B4GALT6: variants seen among roughly 807,000 people sequenced by gnomAD.
B4GALT6 encodes the protein beta-1,4-galactosyltransferase 6.
B4GALT6 carries 14 observed loss-of-function variants against 46.3 expected under a neutral mutation model. The observed-to-expected ratio is 0.30, with a 90% CI of 0.20 to 0.47. The LOEUF is 0.47. Ranked by LOEUF, B4GALT6 falls within the 20% of genes least tolerant of loss-of-function variation. B4GALT6 has a pLI of 0.99. For missense variants in B4GALT6, 386 were observed against 480.1 expected, an observed-to-expected ratio of 0.80 and a Z score of 1.83; for synonymous variants, 168 against 162.0, an observed-to-expected ratio of 1.04 and a Z score of -0.28.
At chr18:31,657,242 G>A (rs1026057622) in intron 3 of B4GALT6, among the ~76,000 whole-genome samples, 1 of 151,620 alleles carries the variant, frequency 6.6e-6, no homozygotes, top group Non-Finnish European at 1.5e-5. Flanking sequence ...TTTTGTGATA[G>A]CAAAAATGTT....
intron 3 of B4GALT6, among the ~76,000 whole-genome samples, chr18:31,646,423 T>A (rs1268477163): frequency 1.3e-5 from 2 of 152,228 alleles, no homozygotes; most frequent in African/African-American, 2.4e-5. Context: ...AGCTGCATGA[T>A]CACTAACATC....
chr18:31,697,887 C>A, the B4GALT6 span, among the ~76,000 whole-genome samples: 5 of 152,118 alleles, frequency 3.3e-5, no homozygotes, highest in African/African-American at 9.7e-5. Context: ...AGATAATTTT[C>A]TATCACTATT....
chr18:31,703,634 G>A, the B4GALT6 span, among the ~76,000 whole-genome samples: 1 of 152,208 alleles, frequency 6.6e-6, no homozygotes, highest in Non-Finnish European at 1.5e-5. Flanking sequence ...TAGGAGAGAT[G>A]CAGATTTTCA....
At chr18:31,652,623 A>G (rs145265482) in intron 3 of B4GALT6, among the ~76,000 whole-genome samples, 139 of 152,336 alleles carry the variant, frequency 9.1e-4, no homozygotes, top group Non-Finnish European at 1.6e-3. Flanking sequence ...AAAACGGCCC[A>G]AACGGAACCC....
chr18:31,668,144 A>C (rs1409776489), intron 1 of B4GALT6, among the ~76,000 whole-genome samples: 1 of 152,104 alleles, frequency 6.6e-6, no homozygotes, highest in Non-Finnish European at 1.5e-5. Flanking sequence ...AAAGAACAAA[A>C]TCATATGCTT....
intron 1 of B4GALT6, among the ~76,000 whole-genome samples, chr18:31,673,643 C>A (rs759688663): frequency 6.6e-6 from 1 of 152,204 alleles, no homozygotes; most frequent in Non-Finnish European, 1.5e-5. Flanking sequence ...AGGCACTGAG[C>A]TGAAGTCCAC....
At chr18:31,672,881 G>A (rs1234476970) in intron 1 of B4GALT6, among the ~76,000 whole-genome samples, 2 of 151,952 alleles carry the variant, frequency 1.3e-5, no homozygotes, top group Non-Finnish European at 2.9e-5. Context: ...AAAGCCTACA[G>A]GAGATCACTG....
At chr18:31,638,138 G>A (rs1187654975) in intron 5 of B4GALT6, among the ~76,000 whole-genome samples, 1 of 152,140 alleles carries the variant, frequency 6.6e-6, no homozygotes, top group Non-Finnish European at 1.5e-5. Context: ...ATACTAAAGT[G>A]AAACATGATT....
chr18:31,678,420 G>A lies in B4GALT6; in HGVS notation c.115+5892C>T, dbSNP rs943021782. Among the ~76,000 whole-genome samples the A allele has an allele frequency of 7.3e-5, 11 of 151,594 alleles. 1 individual carries two copies. Among genetic ancestry groups the A allele is most frequent in the Admixed American group, 2.6e-4 (4 of 15,232 alleles). The stretch of plus-strand genomic sequence containing the variant: ...CTTAGGCTATCCAAAAAATTTCATC[G>A]CTCGTCTATACAGTATTCCTTCAAA... On this transcript the variant is annotated intron_variant, in intron 1 of 8. Coordinates refer to ENST00000306851, the MANE Select transcript of B4GALT6 (RefSeq NM_004775.5).
At chr18:31,718,529 C>G in the B4GALT6 span, among the ~76,000 whole-genome samples, 2 of 152,194 alleles carry the variant, frequency 1.3e-5, no homozygotes, top group Non-Finnish European at 1.5e-5. Context: ...ACAACGCTCT[C>G]CACATATCTG....
At chr18:31,699,894 AG>A in the B4GALT6 span, among the ~76,000 whole-genome samples, 1 of 152,220 alleles carries the variant, frequency 6.6e-6, no homozygotes, top group African/African-American at 2.4e-5. Flanking sequence ...AAGGAAGAAA[AG>A]GAATTGTTTA....
the B4GALT6 span, among the ~76,000 whole-genome samples, chr18:31,718,206 G>A: frequency 6.6e-6 from 1 of 152,240 alleles, no homozygotes; most frequent in African/African-American, 2.4e-5. Context: ...GTCCCCCAGG[G>A]GACATTTGGC....
chr18:31,724,283 G>A, the B4GALT6 span: 2 of 408,492 alleles, frequency 4.9e-6, no homozygotes, highest in Non-Finnish European at 8.4e-6. Context: ...TGCGTCTCTG[G>A]GCCCCACGGG....
At chr18:31,701,319 A>G in the B4GALT6 span, among the ~76,000 whole-genome samples, 6 of 152,158 alleles carry the variant, frequency 3.9e-5, no homozygotes, top group African/African-American at 1.4e-4. Context: ...GCCATGTAAG[A>G]CATTCCTGCT....
the B4GALT6 span, among the ~76,000 whole-genome samples, chr18:31,709,946 T>A: frequency 6.6e-5 from 10 of 151,662 alleles, no homozygotes; most frequent in African/African-American, 2.2e-4. Flanking sequence ...ATACAAAAAA[T>A]TAGCTGGGTT....
intron 3 of B4GALT6, among the ~76,000 whole-genome samples, chr18:31,651,202 A>G (rs190286904): frequency 6.3e-4 from 96 of 152,246 alleles, no homozygotes; most frequent in African/African-American, 2.2e-3. Context: ...GCCACACCTG[A>G]GCTACAGGTC....
At chr18:31,659,484 T>C (rs1306760878) in intron 2 of B4GALT6, among the ~76,000 whole-genome samples, 3 of 152,112 alleles carry the variant, frequency 2.0e-5, no homozygotes, top group Admixed American at 2.0e-4. Flanking sequence ...GCAGAGGGTG[T>C]TGGGACGGGC....
chr18:31,702,744 G>A, the B4GALT6 span, among the ~76,000 whole-genome samples: 1 of 152,168 alleles, frequency 6.6e-6, no homozygotes, highest in Non-Finnish European at 1.5e-5. Flanking sequence ...GGTATCTCAG[G>A]AAGGCAGGCC....
chr18:31,659,859 T>C (rs994459450), intron 2 of B4GALT6, among the ~76,000 whole-genome samples: 1 of 151,836 alleles, frequency 6.6e-6, no homozygotes, highest in Non-Finnish European at 1.5e-5. Flanking sequence ...TGGTAGCCCA[T>C]GCTCAATGTA....
Sources: allele counts gnomAD v4.1 joint callset (sites outside exome capture counted in the v4.1 genomes callset), GRCh38; gene constraint gnomAD v4.1.1; transcripts MANE v1.5; gene names NCBI Gene and HGNC (gene_info 2026-07-23, HGNC 2026-07-21).